CASP9: variants seen among roughly 807,000 people sequenced by gnomAD.
CASP9 encodes caspase 9.
Under a neutral mutation model 43.5 loss-of-function variants are expected in CASP9, and 29 were observed. That is an observed-to-expected ratio of 0.67 (90% CI 0.50 to 0.91). The LOEUF is 0.91. Ranked by LOEUF, CASP9 falls within the 40% of genes least tolerant of loss-of-function variation. The pLI is 0.00. For missense variants in CASP9, 575 were observed against 537.4 expected (o/e 1.07, Z -0.69); for synonymous variants, 206 against 211.9 (o/e 0.97, Z 0.24).
chr1:15,499,369 C>T (rs1709236548), intron 6 of CASP9, among the ~76,000 whole-genome samples: 1 of 152,100 alleles, frequency 6.6e-6, no homozygotes, highest in South Asian at 2.1e-4. Flanking sequence ...TTTTGGAATC[C>T]AAACTTTTAC....
intron 6 of CASP9, among the ~76,000 whole-genome samples, chr1:15,496,615 A>T (rs1045792489): frequency 2.0e-5 from 3 of 152,366 alleles, no homozygotes; most frequent in Admixed American, 6.5e-5. Flanking sequence ...AACAATGAAC[A>T]ATCAGAAAAA....
intron 2 of CASP9, among the ~76,000 whole-genome samples, chr1:15,510,559 T>C (rs1709715898): frequency 6.6e-6 from 1 of 152,096 alleles, no homozygotes; most frequent in Non-Finnish European, 1.5e-5. Context: ...ATTAGAAATA[T>C]CTATTGATAA....
chr1:15,518,222 G>A lies in CASP9; in HGVS notation c.306C>T (p.Thr102=), dbSNP rs1274386464. ...NRQAAKLSKP[T]LENLTPVVLR... The stretch of plus-strand genomic sequence containing the variant: ...GCACCACTGGGGTAAGGTTTTCTAG[G>A]GTTGGCTTCGACAACTTTGCTGCTT... The change falls in exon 2 of 9, where the codon ACC becomes ACT. Residue 102 remains threonine (T), a synonymous_variant. Transcript: ENST00000333868. 2 of 1,614,140 alleles carry A rather than the reference G, an allele frequency of 1.2e-6. No individual in the cohort carries two copies. The highest frequency in any genetic ancestry group is 3.3e-5 in the Admixed American group (2 of 60,008).
At chr1:15,505,915 G>T in intron 5 of CASP9, 75 bp downstream of exon 5, 2 of 1,157,078 alleles carry the variant, frequency 1.7e-6, no homozygotes, top group Non-Finnish European at 2.6e-6. Context: ...CACAAGAAGG[G>T]ACATGGCCCC....
chr1:15,524,220 C>T (rs375945199), upstream of CASP9: 33 of 1,536,268 alleles, frequency 2.1e-5, no homozygotes, highest in Admixed American at 5.9e-5. Context: ...CCAACTAAGA[C>T]TCCAGGCCGC....
Position 15,495,182 on chromosome 1 carries a change from T to C in CASP9, c.1048+91A>G. On this transcript the variant is annotated intron_variant, in intron 7 of 8. Transcript: ENST00000333868. Reference sequence around the variant, plus strand: ...GGGCAAAAGACAGAACCAGGACTCATACCCTGGTCTTTTCTCTCACCACAC... The same window carrying C: ...GGGCAAAAGACAGAACCAGGACTCACACCCTGGTCTTTTCTCTCACCACAC... 2 of 1,195,382 alleles carry C rather than the reference T, an allele frequency of 1.7e-6. No homozygotes were observed. The highest frequency in any genetic ancestry group is 2.4e-6 in the Non-Finnish European group (2 of 840,074). 74.0% of individuals were successfully genotyped at this position (1,195,382 alleles called of 1,614,324 possible).
At chr1:15,518,868 G>T (rs1423849605) in intron 1 of CASP9, among the ~76,000 whole-genome samples, 1 of 96,254 alleles carries the variant, frequency 1.0e-5, no homozygotes, top group African/African-American at 4.9e-5. Context: ...TTTTGGTTTT[G>T]TTTTTGTTTT....
intron 8 of CASP9, chr1:15,493,418 G>T: frequency 8.0e-7 from 1 of 1,243,706 alleles, no homozygotes; most frequent in Middle Eastern, 3.2e-4. Context: ...GGTTTCTATG[G>T]AGTAGGACTG....
chr1:15,500,238 C>T (rs1219849993), intron 6 of CASP9, among the ~76,000 whole-genome samples: 2 of 152,136 alleles, frequency 1.3e-5, no homozygotes, highest in African/African-American at 4.8e-5. Context: ...CCTGCAAAAA[C>T]ACTCCTGGAG....
chr1:15,507,177 G>T, intron 3 of CASP9, 102 bp from the exon 4 acceptor site: 1 of 1,359,106 alleles, frequency 7.4e-7, no homozygotes, highest in Non-Finnish European at 1.0e-6. Flanking sequence ...CTCGCACAAG[G>T]AGTAGCAGGG....
Position 15,504,627 on chromosome 1 carries a change from G to A in CASP9, c.852C>T (p.Ile284=). The A allele has an allele frequency of 6.2e-7, 1 of 1,613,684 alleles. No individual in the cohort carries two copies. The highest frequency in any genetic ancestry group is 8.5e-7 in the Non-Finnish European group (1 of 1,179,814). ...GCTGCTTACCCCCACCACAGGCCTGGATGAAAAAGAGCTTGGGCTTCCCTC... is the reference window on the plus strand; with the variant it reads ...GCTGCTTACCCCCACCACAGGCCTGAATGAAAAAGAGCTTGGGCTTCCCTC... ...SLGGKPKLFF[I]QACGGEQKDH... The change falls in exon 6 of 9, where the codon ATC becomes ATT. Residue 284 remains isoleucine, a synonymous_variant. Transcript: ENST00000333868.
chr1:15,523,567 G>A (rs951419208), intron 1 of CASP9, among the ~76,000 whole-genome samples: 1 of 152,234 alleles, frequency 6.6e-6, no homozygotes, highest in East Asian at 1.9e-4. Context: ...TGCTTAAACT[G>A]CAAACATAAG....
At chr1:15,516,034 T>C (rs893292952) in intron 2 of CASP9, among the ~76,000 whole-genome samples, 2 of 151,978 alleles carry the variant, frequency 1.3e-5, no homozygotes, top group Non-Finnish European at 2.9e-5. Flanking sequence ...AAACCCCATC[T>C]CTACTAAAAA....
Position 15,524,108 on chromosome 1 carries a change from G to A in CASP9, c.93C>T (p.Ser31=), listed in dbSNP as rs4645983. The A allele has an allele frequency of 0.22, 345,417 of 1,539,048 alleles. 41,438 individuals are homozygous for A. The highest frequency in any genetic ancestry group is 0.43 in the African/African-American group (30,713 of 72,160). The change falls in exon 1 of 9, where the codon AGC becomes AGT. Residue 31 remains serine, a synonymous_variant. Transcript: ENST00000333868. ...TCATATGGGGCCTGAACAGCTCGCG[G>A]CTCAGCAGGGCGTCCCAGAGCTGGT... ...QVDQLWDALL[S]RELFRPHMIE...
At chr1:15,523,578 C>T (rs1710301513) in intron 1 of CASP9, among the ~76,000 whole-genome samples, 1 of 151,848 alleles carries the variant, frequency 6.6e-6, no homozygotes, top group Non-Finnish European at 1.5e-5. Context: ...CAAACATAAG[C>T]AAAATTTAAC....
At chr1:15,524,394 CCGCCCCGCCCT>C (rs1710360697), upstream of CASP9, 1 of 1,359,050 alleles carries the variant, frequency 7.4e-7, no homozygotes, top group African/African-American at 1.6e-5. Context: ...TCTTGCGTCA[CCGCCCCGCCCT>C]CAGGACGCAC....
chr1:15,500,687 C>A (rs1709292552), intron 6 of CASP9, among the ~76,000 whole-genome samples: 1 of 152,142 alleles, frequency 6.6e-6, no homozygotes, highest in Non-Finnish European at 1.5e-5. Context: ...GGTAGAGACT[C>A]CGGAATCTGC....
intron 6 of CASP9, among the ~76,000 whole-genome samples, chr1:15,503,151 C>A (rs1709390749): frequency 6.6e-6 from 1 of 152,244 alleles, no homozygotes; most frequent in Non-Finnish European, 1.5e-5. Flanking sequence ...CTTTGGGAGG[C>A]CGAAGTGAGC....
At chr1:15,498,608 T>G (rs1709201420) in intron 6 of CASP9, among the ~76,000 whole-genome samples, 1 of 152,198 alleles carries the variant, frequency 6.6e-6, no homozygotes, top group African/African-American at 2.4e-5. Flanking sequence ...TTACTCAGGC[T>G]GTCAAGATCA....
Sources: allele counts gnomAD v4.1 joint callset (sites outside exome capture counted in the v4.1 genomes callset), GRCh38; gene constraint gnomAD v4.1.1; transcripts MANE v1.5; gene names NCBI Gene and HGNC (gene_info 2026-07-23, HGNC 2026-07-21).